The following KCNT1 variants were observed in gnomAD, a reference collection of about 807,000 sequenced individuals.
KCNT1 encodes the protein potassium sodium-activated channel subfamily T member 1, also known as potassium channel subfamily T member 1.
A neutral mutation model predicts 147.8 loss-of-function variants in KCNT1; 78 were observed. The ratio of observed to expected loss-of-function variants is 0.53; its 90% CI spans 0.44 to 0.64. The LOEUF (loss-of-function observed/expected upper bound fraction) is 0.64, where lower values mean the gene tolerates loss of function less well. Ranked by LOEUF, KCNT1 falls within the 30% of genes least tolerant of loss-of-function variation. KCNT1 has a pLI of 0.00. For synonymous variants in KCNT1, 867 were observed against 748.8 expected (o/e 1.16, Z -2.58); for missense variants, 1,419 against 1,750.3 (o/e 0.81, Z 3.38).
chr9:135,757,718 G>A (rs947574379), intron 9 of KCNT1, among the ~76,000 whole-genome samples: 6 of 152,146 alleles, frequency 3.9e-5, no homozygotes, highest in African/African-American at 1.2e-4. Context: ...CGCAAACTGG[G>A]GCCACGGGGC....
rs779209462 is a variant in KCNT1 at position 135,765,187 on chromosome 9, C to T, written c.1192C>T (p.Arg398Trp). The change falls in exon 12 of 31, where the codon CGG becomes TGG. Residue 398 changes from arginine (R) to tryptophan (W), a missense_variant. Around this residue, in one of 5 missense-constraint regions of KCNT1, gnomAD observed 401 missense variants for 610.6 expected, o/e 0.66. Transcript: ENST00000371757. ...CCTGAACGAGTTCTACGCCCACCCC[C>T]GGCTCCAGGTGAGGCCCCTTACCGT... ...DFLNEFYAHP[R>W]LQDYYVVILC... The T allele has an allele frequency of 1.8e-5, 29 of 1,611,270 alleles. No individual in the cohort carries two copies. The highest frequency in any genetic ancestry group is 1.6e-4 in the Middle Eastern group (1 of 6,068).
In KCNT1 at chr9:135,767,208, C is replaced by T. The variant is rs546810157; in HGVS notation, c.1338-1402C>T. 2.6e-5 allele frequency among the ~76,000 whole-genome samples: 4 copies of T among 152,272 alleles called. No individual in the cohort carries two copies. In the South Asian group the frequency reaches 6.2e-4, roughly 24 times the overall value. The stretch of plus-strand genomic sequence containing the variant: ...CTGGAACCCATTGCCTATGGAACGC[C>T]ACCTCTTTTGTGGTCCCGTCCCCAG... On this transcript the variant is annotated intron_variant, in intron 13 of 30. Coordinates refer to ENST00000371757, the MANE Select transcript of KCNT1 (RefSeq NM_020822.3).
At chr9:135,741,165 TC>T (rs1830550529) in intron 2 of KCNT1, among the ~76,000 whole-genome samples, 1 of 152,188 alleles carries the variant, frequency 6.6e-6, no homozygotes, top group African/African-American at 2.4e-5. Context: ...GGTGGTGGCT[TC>T]CTCAACACTC....
At chr9:135,784,648 G>A in intron 26 of KCNT1, 30 bp downstream of exon 26, 2 of 1,611,174 alleles carry the variant, frequency 1.2e-6, no homozygotes, top group Non-Finnish European at 1.7e-6. Flanking sequence ...CTGGGCTGGG[G>A]GCGTGCTGGG....
chr9:135,757,375 C>T lies in KCNT1; in HGVS notation c.753C>T (p.Asn251=), dbSNP rs1831567083. 1.2e-6 allele frequency: 2 copies of T among 1,608,460 alleles called. No homozygotes were observed. The highest frequency in any genetic ancestry group is 1.7e-6 in the Non-Finnish European group (2 of 1,179,890). Residue 251 remains asparagine, a synonymous_variant, in exon 9 of 31, where the codon AAC becomes AAT. Transcript: ENST00000371757. ...NCWLAKHALE[N]MINDFHRAIL... ...GGCTGGCCAAGCACGCGCTGGAAAA[C>T]ATGATTGTAAGCCGGGGCGGGGGGT... is the stretch of plus-strand genomic sequence containing the variant.
intron 24 of KCNT1, 60 bp downstream of exon 24, chr9:135,779,530 G>A: frequency 7.9e-7 from 1 of 1,272,138 alleles, no homozygotes; most frequent in Non-Finnish European, 1.1e-6. Flanking sequence ...GTGGGAGAAA[G>A]GGGCTCAGGG....
At chr9:135,754,426 C>T (rs1831360769) in intron 5 of KCNT1, among the ~76,000 whole-genome samples, 1 of 152,218 alleles carries the variant, frequency 6.6e-6, no homozygotes, top group Non-Finnish European at 1.5e-5. Flanking sequence ...GAGGTGGCGG[C>T]TTCTCTTCCA....
rs1181545487 is a variant in KCNT1 at position 135,768,580 on chromosome 9, C to T, written c.1338-30C>T. On this transcript the variant is annotated intron_variant, in intron 13 of 30. Transcript: ENST00000371757. Reference sequence around the variant, plus strand: ...GCTGCACTGCCCACCTCCCCTGCTCCACCCACGCTCAGGCCCTGGTGCATT... The same window carrying T: ...GCTGCACTGCCCACCTCCCCTGCTCTACCCACGCTCAGGCCCTGGTGCATT... 5.8e-6 allele frequency: 9 copies of T among 1,543,652 alleles called. No individual in the cohort carries two copies. In the South Asian group the frequency reaches 7.2e-5, roughly 12 times the overall value.
chr9:135,708,020 C>G (rs769637974), intron 1 of KCNT1, among the ~76,000 whole-genome samples: 1 of 152,206 alleles, frequency 6.6e-6, no homozygotes, highest in Non-Finnish European at 1.5e-5. Flanking sequence ...GCAGCTCTGA[C>G]TTTTTAATCA....
At chr9:135,747,334 C>T (rs1830885128) in intron 2 of KCNT1, among the ~76,000 whole-genome samples, 1 of 150,322 alleles carries the variant, frequency 6.7e-6, no homozygotes, top group Non-Finnish European at 1.5e-5. Flanking sequence ...GAGGGCGGGA[C>T]AGTGGTAGGG....
intron 2 of KCNT1, among the ~76,000 whole-genome samples, chr9:135,738,166 C>T (rs1383066338): frequency 6.6e-6 from 1 of 152,218 alleles, no homozygotes; most frequent in Non-Finnish European, 1.5e-5. Context: ...AGCCTAGGCC[C>T]ACCTCCTCCA....
intron 2 of KCNT1, among the ~76,000 whole-genome samples, chr9:135,718,323 C>T (rs182885245): frequency 1.4e-4 from 21 of 152,238 alleles, no homozygotes; most frequent in East Asian, 5.8e-4. Flanking sequence ...GGAGTGCAGG[C>T]GGGGTCTGGA....
intron 20 of KCNT1, 36 bp from the exon 21 acceptor site, chr9:135,777,302 C>CCTGA: frequency 6.3e-7 from 1 of 1,576,882 alleles, no homozygotes; most frequent in African/African-American, 1.4e-5. Flanking sequence ...GAACCACAGC[C>CCTGA]CTGACTCCAG....
chr9:135,769,329 C>T (rs972758700), intron 15 of KCNT1, among the ~76,000 whole-genome samples: 10 of 151,870 alleles, frequency 6.6e-5, no homozygotes, highest in Admixed American at 6.5e-4. Flanking sequence ...GACGGTGTGT[C>T]TGGGGCAGGG....
intron 29 of KCNT1, among the ~76,000 whole-genome samples, chr9:135,787,643 C>A (rs1834169822): frequency 6.6e-6 from 1 of 152,200 alleles, no homozygotes; most frequent in Admixed American, 6.5e-5. Context: ...GACTCAGAGG[C>A]CAGGGTTTGG....
In KCNT1 at chr9:135,765,085, A is replaced by G; in HGVS notation, c.1090A>G (p.Ser364Gly). ...GCGGCAGAAGTCAGGGGGCAACTAC[A>G]GCCGCCACCGTGCGCAGACGGAGAA... is the stretch of plus-strand genomic sequence containing the variant. ...MERQKSGGNYSRHRAQTEKHV... is the reference protein window; with the variant it reads ...MERQKSGGNYGRHRAQTEKHV... The change falls in exon 12 of 31, where the codon AGC becomes GGC. Residue 364 changes from serine (S) to glycine (G), a missense_variant. Coordinates refer to ENST00000371757, the MANE Select transcript of KCNT1 (RefSeq NM_020822.3). 6.2e-7 allele frequency: 1 copy of G among 1,613,214 alleles called. No individual in the cohort carries two copies. The highest frequency in any genetic ancestry group is 1.1e-5 in the South Asian group (1 of 91,076).
At chr9:135,748,609 C>T (rs1295630846) in intron 2 of KCNT1, among the ~76,000 whole-genome samples, 4 of 152,218 alleles carry the variant, frequency 2.6e-5, no homozygotes, top group African/African-American at 9.6e-5. Flanking sequence ...AGGGGTTAGG[C>T]TGGTGCTTAC....
At chr9:135,768,244 GGGGGGGGGGGGGGC>G (rs1832434158) in intron 13 of KCNT1, among the ~76,000 whole-genome samples, 2 of 38,614 alleles carry the variant, frequency 5.2e-5, no homozygotes, top group South Asian at 2.0e-3. Context: ...TGCCTGCGGG[GGGGGGGGGGGGGGC>G]ACTGGGATAC....
At chr9:135,750,529 C>G (rs1831092136) in intron 3 of KCNT1, 1 of 333,224 alleles carries the variant, frequency 3.0e-6, no homozygotes. Context: ...CCCCTCCATA[C>G]AGCCCCACCC....
Sources: gnomAD v4.1 joint callset for allele counts (sites outside exome capture counted in the v4.1 genomes callset) on GRCh38, gnomAD v4.1.1 for gene constraint, gnomAD v4.1.1 regional missense constraint, MANE v1.5 for transcripts, NCBI Gene and HGNC (gene_info 2026-07-23, HGNC 2026-07-21) for gene names.